The following ATP11B variants were observed in gnomAD, a reference collection of about 807,000 sequenced individuals.
ATP11B encodes the protein ATPase phospholipid transporting 11B (putative).
In ATP11B, 81 loss-of-function variants were observed where a neutral mutation model predicts 157.8. The observed-to-expected ratio is 0.51, with a 90% CI of 0.43 to 0.62. The LOEUF (loss-of-function observed/expected upper bound fraction) is 0.62. ATP11B is among the 20% of genes least tolerant of loss of function. ATP11B has a pLI of 0.00. For missense variants in ATP11B, 1,165 were observed against 1,402.2 expected, an observed-to-expected ratio of 0.83 and a Z score of 2.70; for synonymous variants, 451 against 469.4, an observed-to-expected ratio of 0.96 and a Z score of 0.51.
At chr3:182,845,205 C>G (rs1560082107) in intron 8 of ATP11B, among the ~76,000 whole-genome samples, 1 of 151,996 alleles carries the variant, frequency 6.6e-6, no homozygotes, top group African/African-American at 2.4e-5. Context: ...CGGGGTTTCA[C>G]CATGTTGCCC....
At chr3:182,810,132 G>C (rs1390195998) in intron 1 of ATP11B, among the ~76,000 whole-genome samples, 1 of 152,142 alleles carries the variant, frequency 6.6e-6, no homozygotes, top group African/African-American at 2.4e-5. Flanking sequence ...AGGAGTTCAA[G>C]ACCAGCCTGG....
intron 25 of ATP11B, among the ~76,000 whole-genome samples, chr3:182,890,322 T>C (rs987845387): frequency 3.3e-5 from 5 of 152,208 alleles, no homozygotes; most frequent in Admixed American, 6.5e-5. Context: ...ATCACTTAAG[T>C]ATTGCAAAAT....
At chr3:182,915,327 A>G (rs1725068802) in intron 29 of ATP11B, 2 of 985,250 alleles carry the variant, frequency 2.0e-6, no homozygotes, top group African/African-American at 1.7e-5. Context: ...TAATGCTGTG[A>G]TACCATTTTG....
At chr3:182,821,692 A>G (rs961373527) in intron 2 of ATP11B, among the ~76,000 whole-genome samples, 7 of 152,202 alleles carry the variant, frequency 4.6e-5, no homozygotes, top group African/African-American at 1.7e-4. Flanking sequence ...TGGCTAGTGC[A>G]CTCAGAAACT....
chr3:182,843,889 A>G (rs1719254763), intron 8 of ATP11B: 1 of 152,256 alleles, frequency 6.6e-6, no homozygotes, highest in Admixed American at 6.5e-5. Context: ...TTTAATAAGC[A>G]TTAACATAGG....
intron 19 of ATP11B, 84 bp downstream of exon 19, chr3:182,874,099 C>T (rs1721861254): frequency 8.3e-7 from 1 of 1,207,050 alleles, no homozygotes; most frequent in Non-Finnish European, 1.2e-6. Context: ...CCCACTGTCA[C>T]TGCCTGTTTT....
At chr3:182,828,322 C>G in intron 3 of ATP11B, 113 bp downstream of exon 3, 1 of 493,300 alleles carries the variant, frequency 2.0e-6, no homozygotes, top group Non-Finnish European at 3.6e-6. Flanking sequence ...ACCATTTTTT[C>G]TGCAGTGCTT....
intron 21 of ATP11B, among the ~76,000 whole-genome samples, chr3:182,883,763 G>A (rs1198931058): frequency 2.0e-5 from 3 of 150,398 alleles, no homozygotes; most frequent in Non-Finnish European, 4.4e-5. Flanking sequence ...AGACCATCCC[G>A]GCTAAAACGG....
chr3:182,879,743 G>A lies in ATP11B; in HGVS notation c.2406+94G>A, dbSNP rs75607822. The A allele has an allele frequency of 2.8e-4, 327 of 1,166,338 alleles. 1 individual carries two copies. The East Asian group carries it at 9.1e-3, about 32-fold the overall frequency. 72.2% of individuals were successfully genotyped at this position (1,166,338 alleles called of 1,614,324 possible). ...GCCTTACATAGTTCCATTTGGTGAT[G>A]TGCAATATATACATTTTGCTAGGAG... On this transcript the variant is annotated intron_variant, in intron 20 of 29. Transcript: ENST00000323116.
chr3:182,794,054 C>T (rs945388339), intron 1 of ATP11B, among the ~76,000 whole-genome samples: 7 of 152,202 alleles, frequency 4.6e-5, no homozygotes, highest in East Asian at 1.9e-4. Flanking sequence ...TTACTTCTTC[C>T]CCCTTGCCGC....
At chr3:182,834,339 A>G (rs550957245) in intron 4 of ATP11B, among the ~76,000 whole-genome samples, 1 of 152,282 alleles carries the variant, frequency 6.6e-6, no homozygotes, top group Non-Finnish European at 1.5e-5. Flanking sequence ...TTATAATTTC[A>G]TAATATTTTA....
chr3:182,832,484 CTATT>C (rs1411994945), intron 4 of ATP11B, among the ~76,000 whole-genome samples: 1 of 152,104 alleles, frequency 6.6e-6, no homozygotes, highest in Non-Finnish European at 1.5e-5. Context: ...ATTTATGTAT[CTATT>C]TATTACTGTA....
At chr3:182,903,065 A>G (rs551049938) in intron 28 of ATP11B, among the ~76,000 whole-genome samples, 2 of 152,174 alleles carry the variant, frequency 1.3e-5, no homozygotes, top group Admixed American at 6.5e-5. Context: ...TATAAATCGA[A>G]CAATGTGTGT....
At chr3:182,879,698 A>G (rs756450209) in intron 20 of ATP11B, 49 bp downstream of exon 20, 11 of 1,502,068 alleles carry the variant, frequency 7.3e-6, no homozygotes, top group Admixed American at 4.3e-5. Flanking sequence ...TTAGATATAA[A>G]CATATTATTT....
At position 182,848,476 on chromosome 3, in the gene ATP11B, G is replaced by T; in HGVS notation, c.770G>T (p.Gly257Val). ...GAGACAATTTTGTTTTATTTTACAG[G>T]TGTTGCGGTATACACTGGAATGGAA... ...ARLKNTKEIF[G>V]VAVYTGMETK... The change falls in exon 10 of 30, where the codon GGT becomes GTT. Residue 257 changes from glycine (G) to valine (V), a missense_variant and splice_region_variant. By Grantham distance (109) the Gly-to-Val change is moderately radical. Around this residue, in one of 4 missense-constraint regions of ATP11B, gnomAD observed 737 missense variants for 930.5 expected, o/e 0.79. Transcript: ENST00000323116. The T allele has an allele frequency of 6.6e-7, 1 of 1,511,452 alleles. No homozygotes were observed. Among genetic ancestry groups the T allele is most frequent in the Non-Finnish European group, 8.9e-7 (1 of 1,124,246 alleles). 93.6% of individuals were successfully genotyped at this position (1,511,452 alleles called of 1,614,324 possible). A position where few individuals can be genotyped will look rare whatever the true frequency, so the allele number is the denominator to read the frequency against.
intron 2 of ATP11B, among the ~76,000 whole-genome samples, chr3:182,824,512 GT>G (rs1242516755): frequency 2.0e-5 from 3 of 152,138 alleles, no homozygotes; most frequent in Admixed American, 6.6e-5. Context: ...ATTTGACATA[GT>G]TTTTAAAATG....
chr3:182,899,049 A>G (rs1476948486), intron 28 of ATP11B, among the ~76,000 whole-genome samples: 1 of 152,056 alleles, frequency 6.6e-6, no homozygotes, highest in Non-Finnish European at 1.5e-5. Context: ...TTATATCCAG[A>G]TAATAATAGT....
chr3:182,871,370 A>T (rs796757812), intron 17 of ATP11B, among the ~76,000 whole-genome samples: 25 of 152,354 alleles, frequency 1.6e-4, no homozygotes, highest in African/African-American at 4.6e-4. Context: ...GAACTTTTAT[A>T]AGTCTTTAGA....
In ATP11B at chr3:182,907,247, T is replaced by A. The variant is rs368409918; in HGVS notation, c.3319-6614T>A. The stretch of plus-strand genomic sequence containing the variant: ...GGAGGATAAAATTTCCTGCCACTAA[T>A]AATTGTATTATTTGGACTAATTGCT... On this transcript the variant is annotated intron_variant, in intron 28 of 29. Coordinates refer to ENST00000323116, the MANE Select transcript of ATP11B (RefSeq NM_014616.3). Among the ~76,000 whole-genome samples the A allele has an allele frequency of 4.1e-4, 62 of 152,366 alleles. No individual in the cohort carries two copies. The East Asian group carries it at 7.9e-3, about 19-fold the overall frequency.
Sources: allele counts gnomAD v4.1 joint callset (sites outside exome capture counted in the v4.1 genomes callset), GRCh38; gene constraint gnomAD v4.1.1; regional missense constraint gnomAD v4.1.1; transcripts MANE v1.5; gene names NCBI Gene and HGNC (gene_info 2026-07-23, HGNC 2026-07-21).